Variants in FGF14 observed in about 807,000 individuals in gnomAD.
FGF14 encodes the protein fibroblast growth factor 14.
A neutral mutation model predicts 25.5 loss-of-function variants in FGF14; 5 were observed. The ratio of observed to expected loss-of-function variants is 0.20; its 90% CI spans 0.10 to 0.41. The LOEUF (loss-of-function observed/expected upper bound fraction) is 0.41, where lower values mean the gene tolerates loss of function less well. FGF14 is among the 10% of genes least tolerant of loss of function. The pLI is 1.00. For synonymous variants in FGF14, 138 were observed against 118.3 expected, an observed-to-expected ratio of 1.17 and a Z score of -1.08; for missense variants, 222 against 320.1, an observed-to-expected ratio of 0.69 and a Z score of 2.34.
chr13:102,026,405 C>T (rs2040929961), intron 1 of FGF14, among the ~76,000 whole-genome samples: 1 of 151,090 alleles, frequency 6.6e-6, no homozygotes, highest in African/African-American at 2.4e-5. Context: ...ATACTTATTT[C>T]CTTGTAATAT....
intron 1 of FGF14, among the ~76,000 whole-genome samples, chr13:102,110,758 G>C (rs937303461): frequency 6.6e-6 from 1 of 152,044 alleles, no homozygotes. Flanking sequence ...TCTAGGGAAA[G>C]AATTTCAAGC....
intron 3 of FGF14, among the ~76,000 whole-genome samples, chr13:101,855,692 T>A (rs966491476): frequency 1.3e-4 from 19 of 151,940 alleles, no homozygotes; most frequent in Non-Finnish European, 4.4e-5. Flanking sequence ...GTCTGAGGGA[T>A]TTTTAATTGG....
At chr13:101,736,282 A>T (rs1453377937) in intron 3 of FGF14, among the ~76,000 whole-genome samples, 3 of 152,322 alleles carry the variant, frequency 2.0e-5, no homozygotes, top group African/African-American at 7.2e-5. Flanking sequence ...GGGTTATCTT[A>T]TTCAAAAGAG....
intron 1 of FGF14, among the ~76,000 whole-genome samples, chr13:102,172,668 C>G (rs527629349): frequency 6.6e-6 from 1 of 152,292 alleles, no homozygotes; most frequent in African/African-American, 2.4e-5. Flanking sequence ...ACTCAGCACT[C>G]TCTTCATACC....
chr13:101,740,697 T>G (rs911187447), intron 3 of FGF14, among the ~76,000 whole-genome samples: 1 of 152,214 alleles, frequency 6.6e-6, no homozygotes, highest in African/African-American at 2.4e-5. Context: ...AACATAAGTT[T>G]CCAGAGTGCT....
intron 1 of FGF14, among the ~76,000 whole-genome samples, chr13:102,009,313 A>T (rs1001964466): frequency 6.6e-6 from 1 of 152,118 alleles, no homozygotes; most frequent in Non-Finnish European, 1.5e-5. Flanking sequence ...TCGGTAATAG[A>T]TATTTACAAT....
At chr13:102,173,964 A>G (rs1385611299) in intron 1 of FGF14, among the ~76,000 whole-genome samples, 1 of 152,118 alleles carries the variant, frequency 6.6e-6, no homozygotes, top group East Asian at 1.9e-4. Context: ...GAGAAAGAAT[A>G]AAAGGCATCC....
chr13:102,181,379 C>T (rs1293226620), intron 1 of FGF14, among the ~76,000 whole-genome samples: 1 of 152,060 alleles, frequency 6.6e-6, no homozygotes, highest in Non-Finnish European at 1.5e-5. Context: ...TGGACCATGT[C>T]CCCTACAAAG....
chr13:101,988,035 T>C (rs2038688679), intron 1 of FGF14, among the ~76,000 whole-genome samples: 1 of 152,058 alleles, frequency 6.6e-6, no homozygotes, highest in South Asian at 2.1e-4. Flanking sequence ...TAAGAAGCCA[T>C]ATGTAAATCT....
chr13:101,862,253 A>G (rs932675998), intron 3 of FGF14, among the ~76,000 whole-genome samples: 6 of 151,520 alleles, frequency 4.0e-5, no homozygotes, highest in African/African-American at 1.5e-4. Flanking sequence ...TCATCCTCCC[A>G]TCCTCTCTCC....
chr13:101,837,289 T>A (rs1164216341), intron 3 of FGF14, among the ~76,000 whole-genome samples: 1 of 152,088 alleles, frequency 6.6e-6, no homozygotes. Flanking sequence ...ATCTGTCCGA[T>A]TTGCCACTTC....
intron 1 of FGF14, among the ~76,000 whole-genome samples, chr13:102,352,288 C>G (rs982246892): frequency 1.4e-5 from 2 of 141,084 alleles, no homozygotes; most frequent in Non-Finnish European, 1.5e-5. Flanking sequence ...CACACACACA[C>G]ACCTGCAACA....
intron 1 of FGF14, among the ~76,000 whole-genome samples, chr13:102,148,364 A>T (rs2046940566): frequency 1.3e-5 from 2 of 152,198 alleles, no homozygotes; most frequent in Admixed American, 1.3e-4. Context: ...ATACTTTCTT[A>T]CTATATATTT....
At chr13:102,288,131 C>T (rs184870948) in intron 1 of FGF14, among the ~76,000 whole-genome samples, 33 of 152,272 alleles carry the variant, frequency 2.2e-4, no homozygotes, top group African/African-American at 7.0e-4. Context: ...ACAATGACTT[C>T]ATTTTCTCCA....
intron 1 of FGF14, among the ~76,000 whole-genome samples, chr13:102,039,347 G>A (rs1367964446): frequency 6.6e-6 from 1 of 152,134 alleles, no homozygotes; most frequent in Non-Finnish European, 1.5e-5. Context: ...GCTTCCGAGT[G>A]GGTCTCCTGG....
chr13:102,084,222 A>G (rs1466521213), intron 1 of FGF14, among the ~76,000 whole-genome samples: 3 of 150,788 alleles, frequency 2.0e-5, no homozygotes, highest in Non-Finnish European at 3.0e-5. Flanking sequence ...CTAACCTCTA[A>G]CTCTGTTTCT....
intron 1 of FGF14, among the ~76,000 whole-genome samples, chr13:101,965,090 G>GA (rs1027856574): frequency 9.3e-5 from 14 of 150,940 alleles, no homozygotes; most frequent in Non-Finnish European, 1.6e-4. Flanking sequence ...TAAAAATACA[G>GA]AAAAAAAAAT....
In FGF14 at chr13:101,719,049, A is replaced by ATATT. The variant is rs1555368854; in HGVS notation, c.*3778_*3781dup. On this transcript the variant is annotated 3_prime_UTR_variant, in exon 5 of 5. Transcript: ENST00000376143. ...CTTGTTCTGAATTAAAATGGAAAAA[A>ATATT]TATTTCAATTATTTTCATCTTGTTC... 2.0e-5 allele frequency: 3 copies of ATATT among 152,102 alleles called. No homozygotes were observed. The highest frequency in any genetic ancestry group is 4.4e-5 in the Non-Finnish European group (3 of 67,998). 9.4% of individuals were successfully genotyped at this position (152,102 alleles called of 1,614,324 possible).
intron 3 of FGF14, among the ~76,000 whole-genome samples, chr13:101,788,310 C>T (rs1193598019): frequency 6.6e-6 from 1 of 152,118 alleles, no homozygotes; most frequent in African/African-American, 2.4e-5. Flanking sequence ...GTTGAAATGT[C>T]TGCTTTCTGA....
Sources: gnomAD v4.1 joint callset for allele counts (sites outside exome capture counted in the v4.1 genomes callset) on GRCh38, gnomAD v4.1.1 for gene constraint, MANE v1.5 for transcripts, NCBI Gene and HGNC (gene_info 2026-07-23, HGNC 2026-07-21) for gene names.